Variants in CNPY3 observed in about 807,000 individuals in gnomAD.
The protein encoded by CNPY3 is protein canopy homolog 3.
A neutral mutation model predicts 32.0 loss-of-function variants in CNPY3; 20 were observed. The ratio of observed to expected loss-of-function variants is 0.63; its 90% CI spans 0.44 to 0.91. The LOEUF is 0.91. Among genes scored for constraint, CNPY3 ranks in the 40% least tolerant of loss-of-function variants. The pLI is 0.00. For synonymous variants in CNPY3, 138 were observed against 142.9 expected (o/e 0.97, Z 0.24); for missense variants, 299 against 340.8 (o/e 0.88, Z 0.97).
chr6:42,936,517 T>C (rs574810687), intron 3 of CNPY3, among the ~76,000 whole-genome samples: 88 of 152,210 alleles, frequency 5.8e-4, no homozygotes, highest in African/African-American at 1.8e-3. Context: ...TGAATTCAAT[T>C]GATTTTCAAG....
In CNPY3 at chr6:42,937,749, C is replaced by T. The variant is rs765104791; in HGVS notation, c.405C>T (p.Asn135=). 7 of 1,614,040 alleles carry T rather than the reference C, an allele frequency of 4.3e-6. No homozygotes were observed. In the South Asian group the frequency reaches 6.6e-5, roughly 15 times the overall value. Residue 135 remains asparagine, a synonymous_variant, in exon 4 of 6, where the codon AAC becomes AAT. Coordinates refer to ENST00000372836, the MANE Select transcript of CNPY3 (RefSeq NM_006586.5). ...GMSETFETLH[N]LVHKGVKVVM... Reference sequence around the variant, plus strand: ...CAGAGACCTTTGAGACATTACACAACCTGGTACACAAAGGGGTCAAGGTGG... The same window carrying T: ...CAGAGACCTTTGAGACATTACACAATCTGGTACACAAAGGGGTCAAGGTGG...
intron 3 of CNPY3, among the ~76,000 whole-genome samples, chr6:42,937,035 G>A (rs1291530245): frequency 6.6e-6 from 1 of 152,140 alleles, no homozygotes; most frequent in East Asian, 1.9e-4. Flanking sequence ...ACAGAATAAA[G>A]GGTCTACCTG....
At position 42,938,183 on chromosome 6, in the gene CNPY3, C is replaced by T; in HGVS notation, c.589C>T (p.His197Tyr). 3 of 1,613,996 alleles carry T rather than the reference C, an allele frequency of 1.9e-6. No individual in the cohort carries two copies. Among genetic ancestry groups the T allele is most frequent in the Non-Finnish European group, 2.5e-6 (3 of 1,179,884 alleles). Residue 197 changes from histidine (H) to tyrosine (Y), a missense_variant, in exon 5 of 6, where the codon CAC becomes TAC. Physicochemically the swap from His to Tyr is moderately conservative, Grantham distance 83. Coordinates refer to ENST00000372836, the MANE Select transcript of CNPY3 (RefSeq NM_006586.5). ...CCTGACTGAATTCCTCTGCGCCAAC[C>T]ACGTGCTGAAGGGAAAAGACACCAG... ...EDLTEFLCAN[H>Y]VLKGKDTSCL...
chr6:42,935,475 T>C (rs1768149075), intron 2 of CNPY3, 99 bp from the exon 3 acceptor site: 1 of 1,449,462 alleles, frequency 6.9e-7, no homozygotes, highest in South Asian at 1.5e-5. Flanking sequence ...TTCCCATTGG[T>C]GAGATGTGCA....
chr6:42,937,783 A>G lies in CNPY3; in HGVS notation c.439A>G (p.Ile147Val), dbSNP rs749894445. The G allele has an allele frequency of 1.2e-6, 2 of 1,614,100 alleles. No individual in the cohort carries two copies. The highest frequency in any genetic ancestry group is 2.2e-5 in the South Asian group (2 of 91,082). The change falls in exon 4 of 6, where the codon ATC (isoleucine) becomes GTC (valine). Residue 147 changes from isoleucine (I) to valine (V), a missense_variant. By Grantham distance (29) the Ile-to-Val change is conservative. Around this residue, in one of 2 missense-constraint regions of CNPY3, gnomAD observed 211 missense variants for 278.3 expected, o/e 0.76. Transcript: ENST00000372836. ...CAAAGGGGTCAAGGTGGTGATGGAC[A>G]TCCCCTATGAGCTGTGGAACGAGAC... is the stretch of plus-strand genomic sequence containing the variant. Reference protein sequence around the residue: ...VHKGVKVVMDIPYELWNETSA... With the variant: ...VHKGVKVVMDVPYELWNETSA...
Position 42,938,137 on chromosome 6 carries a change from C to T in CNPY3, c.543C>T (p.Tyr181=). 1 of 1,614,114 alleles carries T rather than the reference C, an allele frequency of 6.2e-7. No homozygotes were observed. The highest frequency in any genetic ancestry group is 8.5e-7 in the Non-Finnish European group (1 of 1,180,008). The change falls in exon 5 of 6, where the codon TAC becomes TAT. Residue 181 remains tyrosine, a synonymous_variant. Transcript: ENST00000372836. Reference sequence around the variant, plus strand: ...TTGAGGAGGTGATCGAGGACTGGTACAGGAACCACCAGGAGGAAGACCTGA... The same window carrying T: ...TTGAGGAGGTGATCGAGGACTGGTATAGGAACCACCAGGAGGAAGACCTGA... The part of the protein sequence containing the change: ...EEFEEVIEDW[Y]RNHQEEDLTE...
At chr6:42,938,298 C>T in intron 5 of CNPY3, 91 bp downstream of exon 5, 2 of 999,020 alleles carry the variant, frequency 2.0e-6, no homozygotes, top group Non-Finnish European at 3.2e-6. Flanking sequence ...CAGAGGGCAC[C>T]AGAGGGCATT....
Position 42,929,584 on chromosome 6 carries a change from C to T in CNPY3, c.14C>T (p.Pro5Leu). 2 of 1,577,188 alleles carry T rather than the reference C, an allele frequency of 1.3e-6. No homozygotes were observed. The highest frequency in any genetic ancestry group is 1.7e-6 in the Non-Finnish European group (2 of 1,162,108). The change falls in exon 1 of 6, where the codon CCT becomes CTT. Residue 5 changes from proline (P) to leucine (L), a missense_variant. Physicochemically the swap from Pro to Leu is moderately conservative, Grantham distance 98. Transcript: ENST00000372836. ...CCCGGCCGGGCCATGGATTCAATGC[C>T]TGAGCCCGCGTCCCGCTGTCTTCTG... Reference protein sequence around the residue: MDSMPEPASRCLLLL... With the variant: MDSMLEPASRCLLLL...
intron 2 of CNPY3, among the ~76,000 whole-genome samples, chr6:42,934,926 A>G (rs1054530772): frequency 6.6e-6 from 1 of 152,140 alleles, no homozygotes; most frequent in Non-Finnish European, 1.5e-5. Context: ...GTGCAATGGC[A>G]TGATCTTTGC....
rs1478543248 is a variant in CNPY3, at chr6:42,938,564, C to G, written c.614-4C>G. 1.3e-6 allele frequency: 2 copies of G among 1,574,462 alleles called. No homozygotes were observed. Among genetic ancestry groups the G allele is most frequent in the Admixed American group, 3.8e-5 (2 of 52,700 alleles). On this transcript the variant is annotated splice_polypyrimidine_tract_variant and splice_region_variant and intron_variant, in intron 5 of 5. Coordinates refer to ENST00000372836, the MANE Select transcript of CNPY3 (RefSeq NM_006586.5). ...GTTGAGGGTCTCTCTCCTCCACACC[C>G]TAGGTTGCCTGGCAGAGCAGTGGTC...
chr6:42,937,287 A>G (rs1768301142), intron 3 of CNPY3, among the ~76,000 whole-genome samples: 1 of 152,084 alleles, frequency 6.6e-6, no homozygotes, highest in Non-Finnish European at 1.5e-5. Flanking sequence ...AAGCAGGCCT[A>G]AAAGAGGGAA....
In CNPY3 at chr6:42,934,229, C is replaced by G. The variant is rs987193915; in HGVS notation, c.152-246C>G. ...TAAGTACATGCTCTTACACAAGAAA[C>G]AGTAGATAAAATAGAAATCCTAGAG... is the stretch of plus-strand genomic sequence containing the variant. On this transcript the variant is annotated intron_variant, in intron 1 of 5. Transcript: ENST00000372836. 8.6e-5 allele frequency among the ~76,000 whole-genome samples: 13 copies of G among 151,958 alleles called. No homozygotes were observed. The South Asian group carries it at 2.7e-3, about 32-fold the overall frequency.
chr6:42,935,471 T>C (rs754203600), intron 2 of CNPY3, 103 bp from the exon 3 acceptor site: 20 of 1,439,238 alleles, frequency 1.4e-5, no homozygotes, highest in Admixed American at 2.2e-5. Flanking sequence ...TCACTTCCCA[T>C]TGGTGAGATG....
rs1185942500 is a variant in CNPY3, at chr6:42,929,734, G to A, written c.151+13G>A. The A allele has an allele frequency of 3.2e-6, 5 of 1,540,596 alleles. No individual in the cohort carries two copies. In the Admixed American group the frequency reaches 9.9e-5, roughly 31 times the overall value. Reference sequence around the variant, plus strand: ...AGCAAATGCGAAGGTGAGGAGGCGGGGCCCGTGGGGCGTATCCTGCCGGAG... The same window carrying A: ...AGCAAATGCGAAGGTGAGGAGGCGGAGCCCGTGGGGCGTATCCTGCCGGAG... On this transcript the variant is annotated intron_variant, in intron 1 of 5. Coordinates refer to ENST00000372836, the MANE Select transcript of CNPY3 (RefSeq NM_006586.5).
rs1768444577 is a variant in CNPY3, at chr6:42,939,225, C to T, written c.*434C>T. ...TGGACACCTTGCACTCTGCCTGGCC[C>T]TTCCCAGAGCCCAAAGAGTAAAAAT... On this transcript the variant is annotated 3_prime_UTR_variant, in exon 6 of 6. Coordinates refer to ENST00000372836, the MANE Select transcript of CNPY3 (RefSeq NM_006586.5). The T allele has an allele frequency of 1.0e-6, 1 of 994,936 alleles. No homozygotes were observed. Among genetic ancestry groups the T allele is most frequent in the Non-Finnish European group, 1.2e-6 (1 of 836,768 alleles). 61.6% of individuals were successfully genotyped at this position (994,936 alleles called of 1,614,324 possible).
upstream of CNPY3, among the ~76,000 whole-genome samples, chr6:42,928,515 C>A (rs1352759926): frequency 6.6e-6 from 1 of 151,058 alleles, no homozygotes; most frequent in Non-Finnish European, 1.5e-5. Flanking sequence ...AACTCCTGGG[C>A]TCAGGTGATC....
At chr6:42,938,460 C>T in intron 5 of CNPY3, 108 bp from the exon 6 acceptor site, 4 of 1,111,886 alleles carry the variant, frequency 3.6e-6, no homozygotes, top group South Asian at 3.1e-5. Context: ...AGGCTGATGT[C>T]AAGCACAGTC....
chr6:42,938,173 C>A lies in CNPY3; in HGVS notation c.579C>A (p.Leu193=). The A allele has an allele frequency of 6.2e-7, 1 of 1,614,104 alleles. No homozygotes were observed. Among genetic ancestry groups the A allele is most frequent in the Non-Finnish European group, 8.5e-7 (1 of 1,179,974 alleles). Residue 193 remains leucine (L), a synonymous_variant, in exon 5 of 6, where the codon CTC becomes CTA. Transcript: ENST00000372836. The stretch of plus-strand genomic sequence containing the variant: ...AGGAGGAAGACCTGACTGAATTCCT[C>A]TGCGCCAACCACGTGCTGAAGGGAA... The part of the protein sequence containing the change: ...NHQEEDLTEF[L]CANHVLKGKD...
upstream of CNPY3, among the ~76,000 whole-genome samples, chr6:42,928,641 T>C (rs981471222): frequency 1.3e-5 from 2 of 152,170 alleles, no homozygotes; most frequent in Admixed American, 6.5e-5. Flanking sequence ...AGGCACCCTG[T>C]TGTTGCTGGG....
Sources: gnomAD v4.1 joint callset for allele counts (sites outside exome capture counted in the v4.1 genomes callset) on GRCh38, gnomAD v4.1.1 for gene constraint, gnomAD v4.1.1 regional missense constraint, MANE v1.5 for transcripts, NCBI Gene and HGNC (gene_info 2026-07-23, HGNC 2026-07-21) for gene names.